Variants in ANKRD28 observed in about 807,000 individuals in gnomAD.
ANKRD28 encodes the protein serine/threonine-protein phosphatase 6 regulatory ankyrin repeat subunit A.
ANKRD28 carries 44 observed loss-of-function variants against 126.5 expected under a neutral mutation model. The observed-to-expected ratio is 0.35, with a 90% CI of 0.27 to 0.45. The LOEUF is 0.45. ANKRD28 is among the 20% of genes least tolerant of loss of function. The pLI is 1.00. For missense variants in ANKRD28, 1,110 were observed against 1,316.6 expected (o/e 0.84, Z 2.43); for synonymous variants, 442 against 468.5 (o/e 0.94, Z 0.73).
chr3:15,856,831 T>C (rs1482752492), intron 1 of ANKRD28, among the ~76,000 whole-genome samples: 1 of 152,254 alleles, frequency 6.6e-6, no homozygotes, highest in Non-Finnish European at 1.5e-5. Flanking sequence ...AGCTTATATG[T>C]ATTAAACTGT....
At chr3:15,751,568 T>C (rs1289640794) in intron 4 of ANKRD28, among the ~76,000 whole-genome samples, 182 bp downstream of exon 4, 1 of 152,160 alleles carries the variant, frequency 6.6e-6, no homozygotes, top group Non-Finnish European at 1.5e-5. Flanking sequence ...CAAGAGGCCT[T>C]ATAAACAAAA....
intron 3 of ANKRD28, among the ~76,000 whole-genome samples, chr3:15,756,793 G>C (rs756186826): frequency 1.3e-5 from 2 of 152,148 alleles, no homozygotes; most frequent in East Asian, 1.9e-4. Context: ...CTCTTTCTGC[G>C]AAGTTCTACA....
intron 25 of ANKRD28, 135 bp from the exon 26 acceptor site, chr3:15,677,191 C>A: frequency 1.4e-6 from 1 of 722,400 alleles, no homozygotes. Context: ...TGGCTAATAT[C>A]TTAATATTTG....
Position 15,817,476 on chromosome 3 carries a change from G to A in ANKRD28, c.28-22170C>T, listed in dbSNP as rs574254211. 2.0e-5 allele frequency among the ~76,000 whole-genome samples: 3 copies of A among 152,276 alleles called. No individual in the cohort carries two copies. Among genetic ancestry groups the A allele is most frequent in the Non-Finnish European group, 4.4e-5 (3 of 68,018 alleles). ...GAAATAAAAAGTAAACTACAAAGCA[G>A]TGCAATAAGTGCTCTCCTAAAAGTT... On this transcript the variant is annotated intron_variant, in intron 1 of 27. Transcript: ENST00000399451. This position sits in a 1 kb window ranked among gnomAD's most constrained non-coding sequence, Gnocchi z 4.5.
In ANKRD28 at chr3:15,748,380, T is replaced by G. The variant is rs2057625890; in HGVS notation, c.351+3370A>C. 2.0e-5 allele frequency among the ~76,000 whole-genome samples: 3 copies of G among 152,356 alleles called. No individual in the cohort carries two copies. In the South Asian group the frequency reaches 6.2e-4, roughly 32 times the overall value. ...CTCCTTTTAGCAGTTCTTGTAGCGC[T>G]GGCTTGGTAGTGGTGAATTCTCTCA... On this transcript the variant is annotated intron_variant, in intron 4 of 27. Coordinates refer to ENST00000683139, the MANE Select transcript of ANKRD28 (RefSeq NM_001349278.2).
At chr3:15,844,196 AG>A (rs767949733) in intron 1 of ANKRD28, among the ~76,000 whole-genome samples, 2 of 152,196 alleles carry the variant, frequency 1.3e-5, no homozygotes, top group African/African-American at 4.8e-5. Flanking sequence ...ATCAATATCT[AG>A]TAATTAAAGT....
At chr3:15,708,547 AAG>A (rs2071780588) in intron 13 of ANKRD28, among the ~76,000 whole-genome samples, 7 of 152,246 alleles carry the variant, frequency 4.6e-5, no homozygotes, top group South Asian at 4.1e-4. Flanking sequence ...TCTCAACTCA[AAG>A]CATTTTTCAG....
chr3:15,736,531 A>C (rs1486028478), intron 5 of ANKRD28, among the ~76,000 whole-genome samples: 1 of 152,208 alleles, frequency 6.6e-6, no homozygotes, highest in Non-Finnish European at 1.5e-5. Context: ...TACCTTCTCT[A>C]AATCTTTGGT....
chr3:15,827,239 C>T (rs2061086986), intron 1 of ANKRD28, among the ~76,000 whole-genome samples: 1 of 152,034 alleles, frequency 6.6e-6, no homozygotes, highest in South Asian at 2.1e-4. Context: ...ATAAAATTGC[C>T]ATATGATCCA....
At chr3:15,810,757 A>C (rs1228412217) in intron 1 of ANKRD28, among the ~76,000 whole-genome samples, 1 of 151,590 alleles carries the variant, frequency 6.6e-6, no homozygotes, top group African/African-American at 2.4e-5. Flanking sequence ...CTTATTTGCT[A>C]AACAAAATCA....
chr3:15,735,519 T>G, intron 5 of ANKRD28, 22 bp from the exon 6 acceptor site: 5 of 1,514,054 alleles, frequency 3.3e-6, no homozygotes, highest in Non-Finnish European at 3.6e-6. Flanking sequence ...GTAAACACAG[T>G]GTCATCAAAA....
At chr3:15,671,060 GAT>G (rs1407044082) in intron 27 of ANKRD28, among the ~76,000 whole-genome samples, 1 of 152,220 alleles carries the variant, frequency 6.6e-6, no homozygotes, top group Non-Finnish European at 1.5e-5. Context: ...GTGCTCAAAA[GAT>G]ATGTGTTGAA....
chr3:15,794,018 G>A (rs575829814), intron 2 of ANKRD28, among the ~76,000 whole-genome samples: 9 of 151,964 alleles, frequency 5.9e-5, no homozygotes, highest in Non-Finnish European at 1.2e-4. Context: ...TGCAGTGAGC[G>A]GAGATCATGC....
chr3:15,674,746 G>A (rs546057248), intron 27 of ANKRD28, among the ~76,000 whole-genome samples: 2 of 152,178 alleles, frequency 1.3e-5, no homozygotes, highest in Admixed American at 1.3e-4. Context: ...AATTAAGAAG[G>A]AATAACTAGT....
At chr3:15,740,770 A>C (rs1231006929) in intron 4 of ANKRD28, among the ~76,000 whole-genome samples, 1 of 152,228 alleles carries the variant, frequency 6.6e-6, no homozygotes, top group Non-Finnish European at 1.5e-5. Flanking sequence ...AGCAAGAACA[A>C]ATCTGGTTCA....
At chr3:15,686,531 C>A (rs563012870) in intron 18 of ANKRD28, 130 of 551,888 alleles carry the variant, frequency 2.4e-4, no homozygotes, top group African/African-American at 2.3e-3. Context: ...GGCAGACCGC[C>A]TACCCAGCAC....
intron 25 of ANKRD28, 121 bp downstream of exon 25, chr3:15,677,359 C>G: frequency 1.4e-6 from 1 of 702,610 alleles, no homozygotes. Context: ...TTCAAGAAAT[C>G]TAATACCAGT....
At chr3:15,700,498 G>A (rs866721723) in intron 14 of ANKRD28, among the ~76,000 whole-genome samples, 22 of 152,042 alleles carry the variant, frequency 1.4e-4, no homozygotes, top group African/African-American at 4.3e-4. Context: ...ATATAGGGCC[G>A]GGCGCGGTGG....
chr3:15,680,199 T>C (rs550880441), intron 21 of ANKRD28, among the ~76,000 whole-genome samples: 2 of 152,224 alleles, frequency 1.3e-5, no homozygotes, highest in East Asian at 1.9e-4. Context: ...TAATAGCATA[T>C]ATGAAATATT....
Sources: gnomAD v4.1 joint callset for allele counts (sites outside exome capture counted in the v4.1 genomes callset) on GRCh38, gnomAD v4.1.1 for gene constraint, Gnocchi (gnomAD v3.1) non-coding constraint, MANE v1.5 for transcripts, NCBI Gene and HGNC (gene_info 2026-07-23, HGNC 2026-07-21) for gene names.